Variants in EYS observed in about 807,000 individuals in gnomAD.
The protein encoded by EYS is EGF-like photoreceptor maintenance factor, also known as protein eyes shut homolog.
In EYS, 250 loss-of-function variants were observed where a neutral mutation model predicts 282.1. That is an observed-to-expected ratio of 0.89 (90% confidence interval 0.80 to 0.98). The LOEUF (loss-of-function observed/expected upper bound fraction) is 0.98, where lower values mean the gene tolerates loss of function less well. EYS is among the 50% of genes least tolerant of loss of function. The pLI is 0.00. For synonymous variants in EYS, 1,355 were observed against 1,282.9 expected (o/e 1.06, Z -1.20); for missense variants, 4,016 against 3,709.0 (o/e 1.08, Z -2.15).
At chr6:64,191,620 T>C (rs1038697051) in intron 31 of EYS, among the ~76,000 whole-genome samples, 1 of 152,182 alleles carries the variant, frequency 6.6e-6, no homozygotes, top group Non-Finnish European at 1.5e-5. Flanking sequence ...AGAATGATGA[T>C]TTCCAATTTC....
intron 35 of EYS, among the ~76,000 whole-genome samples, chr6:63,928,648 T>C (rs944052638): frequency 2.6e-5 from 4 of 152,226 alleles, no homozygotes; most frequent in African/African-American, 9.6e-5. Flanking sequence ...TTTTCATCTC[T>C]TGATTTCCAG....
intron 11 of EYS, among the ~76,000 whole-genome samples, chr6:65,320,836 TC>T (rs1769455386): frequency 6.6e-6 from 1 of 151,934 alleles, no homozygotes; most frequent in African/African-American, 2.4e-5. Context: ...ACCACCCCCA[TC>T]CCCTCAAAGG....
chr6:64,940,693 A>G (rs1213977011), intron 15 of EYS, among the ~76,000 whole-genome samples: 1 of 151,980 alleles, frequency 6.6e-6, no homozygotes, highest in Non-Finnish European at 1.5e-5. Flanking sequence ...TACCAAAATT[A>G]TTTATTTATC....
At chr6:65,669,623 T>C (rs971771164) in intron 1 of EYS, among the ~76,000 whole-genome samples, 3 of 152,036 alleles carry the variant, frequency 2.0e-5, no homozygotes, top group African/African-American at 7.2e-5. Context: ...AGGCCAGAAA[T>C]GTAAGAGCTA....
At chr6:65,048,803 T>G (rs1773181460) in intron 13 of EYS, among the ~76,000 whole-genome samples, 1 of 151,804 alleles carries the variant, frequency 6.6e-6, no homozygotes, top group Non-Finnish European at 1.5e-5. Context: ...TCTTTTTTTC[T>G]TACTTTACAC....
At chr6:64,570,257 C>G (rs1000318831) in intron 26 of EYS, among the ~76,000 whole-genome samples, 1 of 152,150 alleles carries the variant, frequency 6.6e-6, no homozygotes, top group Admixed American at 6.5e-5. Flanking sequence ...GATTTTGTCA[C>G]CCCCAGGCCT....
rs1015750602 is a variant in EYS at position 64,849,842 on chromosome 6, C to A, written c.2993-27020G>T. Among the ~76,000 whole-genome samples, 12 of 151,686 alleles carry A rather than the reference C, an allele frequency of 7.9e-5. No homozygotes were observed. The East Asian group carries it at 9.7e-4, about 12-fold the overall frequency. ...AAAGAAAGACTTCCCCTTATGTTCACCAGCTGGACAAAATTTTCTACTAAA... is the reference window on the plus strand; with the variant it reads ...AAAGAAAGACTTCCCCTTATGTTCAACAGCTGGACAAAATTTTCTACTAAA... On this transcript the variant is annotated intron_variant, in intron 19 of 42. Transcript: ENST00000503581.
At chr6:65,554,219 T>C (rs78701320) in intron 2 of EYS, among the ~76,000 whole-genome samples, 8,866 of 152,228 alleles carry the variant, frequency 0.058, 775 homozygotes, top group African/African-American at 0.18. Context: ...ATGGTACTTG[T>C]TATAGTAGCC....
intron 28 of EYS, among the ~76,000 whole-genome samples, chr6:64,405,241 TTTCA>T (rs1371582342): frequency 3.9e-5 from 6 of 152,158 alleles, no homozygotes; most frequent in Non-Finnish European, 8.8e-5. Flanking sequence ...TAACCCATCC[TTTCA>T]TTGTCAAATA....
intron 26 of EYS, among the ~76,000 whole-genome samples, chr6:64,572,327 T>A (rs561891298): frequency 6.6e-6 from 1 of 152,178 alleles, no homozygotes; most frequent in Non-Finnish European, 1.5e-5. Context: ...TCATAGTGAA[T>A]GGGCAAAAGC....
At chr6:64,126,855 C>T (rs1773803650) in intron 31 of EYS, among the ~76,000 whole-genome samples, 1 of 151,512 alleles carries the variant, frequency 6.6e-6, no homozygotes, top group Admixed American at 6.6e-5. Context: ...ACACACATAT[C>T]TATATACATA....
chr6:65,452,486 T>C (rs1415792837), intron 5 of EYS, among the ~76,000 whole-genome samples: 4 of 152,016 alleles, frequency 2.6e-5, no homozygotes, highest in Non-Finnish European at 5.9e-5. Flanking sequence ...GCTTGCAATG[T>C]ATTACCTCAT....
chr6:64,308,353 G>T (rs574050948), intron 29 of EYS, among the ~76,000 whole-genome samples: 46 of 152,086 alleles, frequency 3.0e-4, no homozygotes, highest in African/African-American at 1.1e-3. Flanking sequence ...ATCATTACGA[G>T]CATACAATAT....
chr6:64,864,601 G>C lies in EYS; in HGVS notation c.2992+22096C>G, dbSNP rs1340506780. ...GGGATTCACCATGTTGGCTACGATA[G>C]TCTCGATCTCCTGACCCTGTGATCC... is the stretch of plus-strand genomic sequence containing the variant. On this transcript the variant is annotated intron_variant, in intron 19 of 42. Coordinates refer to ENST00000503581, the MANE Select transcript of EYS (RefSeq NM_001142800.2). Among the ~76,000 whole-genome samples the C allele has an allele frequency of 2.7e-5, 4 of 147,770 alleles. No individual in the cohort carries two copies. In the East Asian group the frequency reaches 8.5e-4, roughly 32 times the overall value.
At chr6:65,220,019 C>A (rs865793900) in intron 12 of EYS, among the ~76,000 whole-genome samples, 4 of 152,028 alleles carry the variant, frequency 2.6e-5, no homozygotes, top group Non-Finnish European at 5.9e-5. Context: ...TAAAGGCAAA[C>A]CATATCAATA....
chr6:63,970,467 C>T (rs544167846), intron 35 of EYS, among the ~76,000 whole-genome samples: 30 of 152,230 alleles, frequency 2.0e-4, no homozygotes, highest in Admixed American at 1.2e-3. Flanking sequence ...AACTCTGTCT[C>T]TACTAAAAAT....
intron 2 of EYS, among the ~76,000 whole-genome samples, chr6:65,532,026 T>G (rs555929289): frequency 5.9e-5 from 9 of 152,178 alleles, no homozygotes; most frequent in Non-Finnish European, 1.2e-4. Context: ...TAGGCACTTA[T>G]TAAACACTCT....
chr6:64,497,666 C>T (rs2150509826), intron 26 of EYS, among the ~76,000 whole-genome samples: 1 of 152,224 alleles, frequency 6.6e-6, no homozygotes, highest in South Asian at 2.1e-4. Context: ...GTGTGACAGA[C>T]TCACGGGCAA....
Position 65,507,550 on chromosome 6 carries a change from A to C in EYS, c.-332-11557T>G, listed in dbSNP as rs1766701750. On this transcript the variant is annotated intron_variant, in intron 2 of 42. Coordinates refer to ENST00000503581, the MANE Select transcript of EYS (RefSeq NM_001142800.2). The stretch of plus-strand genomic sequence containing the variant: ...CTCTGTTCTCTTTCTTCTCCTTCTA[A>C]TATTACAATAACACATAATACACTT... 3.3e-5 allele frequency among the ~76,000 whole-genome samples: 5 copies of C among 151,932 alleles called. No homozygotes were observed. In the South Asian group the frequency reaches 1.0e-3, roughly 32 times the overall value.
Sources: gnomAD v4.1 joint callset for allele counts (sites outside exome capture counted in the v4.1 genomes callset) on GRCh38, gnomAD v4.1.1 for gene constraint, MANE v1.5 for transcripts, NCBI Gene and HGNC (gene_info 2026-07-23, HGNC 2026-07-21) for gene names.